The following ACVR1 variants were observed in gnomAD, a reference collection of about 807,000 sequenced individuals.
The protein encoded by ACVR1 is activin A receptor type 1, also known as activin receptor type-1.
A neutral mutation model predicts 57.1 loss-of-function variants in ACVR1; 38 were observed. The ratio of observed to expected loss-of-function variants is 0.67; its 90% CI spans 0.51 to 0.87. The LOEUF is 0.87. ACVR1 is among the 40% of genes least tolerant of loss of function. The pLI, the probability that ACVR1 is intolerant of heterozygous loss-of-function variation, is 0.00. For missense variants in ACVR1, 463 were observed against 638.2 expected (o/e 0.73, Z 2.96); for synonymous variants, 212 against 228.1 (o/e 0.93, Z 0.63).
intron 1 of ACVR1, among the ~76,000 whole-genome samples, chr2:157,868,308 C>A (rs1690008433): frequency 6.6e-6 from 1 of 151,664 alleles, no homozygotes; most frequent in African/African-American, 2.4e-5. Flanking sequence ...CATGGTGAAA[C>A]CCCATCTCTA....
At chr2:157,853,731 C>T (rs1689406796) in intron 1 of ACVR1, among the ~76,000 whole-genome samples, 1 of 152,186 alleles carries the variant, frequency 6.6e-6, no homozygotes, top group Non-Finnish European at 1.5e-5. Context: ...ACCTCTCCAG[C>T]CTTATGTCAC....
intron 1 of ACVR1, among the ~76,000 whole-genome samples, chr2:157,856,287 C>A (rs1689532130): frequency 6.6e-6 from 1 of 152,160 alleles, no homozygotes; most frequent in African/African-American, 2.4e-5. Context: ...AGTGCCTCCA[C>A]CTATTTCCAG....
chr2:157,794,685 T>C (rs758786275), intron 3 of ACVR1, among the ~76,000 whole-genome samples: 4 of 152,098 alleles, frequency 2.6e-5, no homozygotes, highest in Non-Finnish European at 5.9e-5. Context: ...CTTGTGAGGA[T>C]TATAGGAAAT....
In ACVR1 at chr2:157,808,482, T is replaced by A. The variant is rs938786419; in HGVS notation, c.-7-8982A>T. Among the ~76,000 whole-genome samples, 3 of 152,258 alleles carry A rather than the reference T, an allele frequency of 2.0e-5. No individual in the cohort carries two copies. The East Asian group carries it at 5.8e-4, about 29-fold the overall frequency. ...AAATTAAAAGATATCATTTGTAACT[T>A]GGATTCCAGTTTTCAAGGGTGTCAT... On this transcript the variant is annotated intron_variant, in intron 2 of 10. Coordinates refer to ENST00000434821, the MANE Select transcript of ACVR1 (RefSeq NM_001111067.4).
At chr2:157,741,345 G>C (rs553592334) in intron 9 of ACVR1, among the ~76,000 whole-genome samples, 2 of 152,136 alleles carry the variant, frequency 1.3e-5, no homozygotes, top group South Asian at 4.2e-4. Flanking sequence ...AGGGATAAAA[G>C]ATGAAAAAAC....
chr2:157,826,697 G>GAAGGAAAGGAAAGGA (rs74187986), intron 1 of ACVR1: 15 of 41,556 alleles, frequency 3.6e-4, no homozygotes, highest in African/African-American at 1.1e-3. Context: ...AAAAGAGAGA[G>GAAGGAAAGGAAAGGA]AAGGAAAGGA....
intron 9 of ACVR1, among the ~76,000 whole-genome samples, chr2:157,752,167 G>A (rs1685225515): frequency 6.6e-6 from 1 of 152,138 alleles, no homozygotes; most frequent in Admixed American, 6.5e-5. Context: ...CCTGGATACT[G>A]GTAGCCCTGT....
In ACVR1 at chr2:157,803,604, T is replaced by A. The variant is rs577207576; in HGVS notation, c.-7-4104A>T. On this transcript the variant is annotated intron_variant, in intron 2 of 10. Coordinates refer to ENST00000434821, the MANE Select transcript of ACVR1 (RefSeq NM_001111067.4). ...AATATACTAAAAAGAAAATTGCATT[T>A]TTAAAAGTAAAATTTCAACTCTCCT... 1.7e-4 allele frequency among the ~76,000 whole-genome samples: 26 copies of A among 152,320 alleles called. No homozygotes were observed. The South Asian group carries it at 2.5e-3, about 15-fold the overall frequency.
At chr2:157,794,828 G>A (rs576381509) in intron 3 of ACVR1, among the ~76,000 whole-genome samples, 1 of 151,434 alleles carries the variant, frequency 6.6e-6, no homozygotes, top group African/African-American at 2.4e-5. Flanking sequence ...TTATTGCCCA[G>A]AGCATTTAGG....
At chr2:157,812,970 G>T (rs1687802556) in intron 2 of ACVR1, among the ~76,000 whole-genome samples, 1 of 152,132 alleles carries the variant, frequency 6.6e-6, no homozygotes, top group Non-Finnish European at 1.5e-5. Flanking sequence ...CAACACTATT[G>T]TCAAATAAGA....
intron 1 of ACVR1, among the ~76,000 whole-genome samples, chr2:157,855,306 G>GTATATATATA (rs1459134497): frequency 1.9e-5 from 1 of 53,138 alleles, no homozygotes; most frequent in East Asian, 4.9e-4. Context: ...GTGTGTGTGT[G>GTATATATATA]TGTATATATA....
chr2:157,741,258 C>T (rs1684748489), intron 9 of ACVR1, among the ~76,000 whole-genome samples: 1 of 152,112 alleles, frequency 6.6e-6, no homozygotes, highest in South Asian at 2.1e-4. Flanking sequence ...TCTCATTCTA[C>T]TTTCACTTGT....
At chr2:157,855,308 G>GTGTGTGTGTGTATA (rs1307480066) in intron 1 of ACVR1, among the ~76,000 whole-genome samples, 3 of 51,672 alleles carry the variant, frequency 5.8e-5, no homozygotes, top group Non-Finnish European at 7.4e-5. Context: ...GTGTGTGTGT[G>GTGTGTGTGTGTATA]TATATATATA....
Position 157,776,830 on chromosome 2 carries a change from T to C in ACVR1, c.543+1301A>G, listed in dbSNP as rs1686307020. ...GCAGAACTATCAGACACTTTGAAGC[T>C]TGCTGTCTAGCAGAACAAGACTTAC... On this transcript the variant is annotated intron_variant, in intron 5 of 10. Coordinates refer to ENST00000434821, the MANE Select transcript of ACVR1 (RefSeq NM_001111067.4). 2.0e-5 allele frequency among the ~76,000 whole-genome samples: 3 copies of C among 152,350 alleles called. No homozygotes were observed. The South Asian group carries it at 6.2e-4, about 32-fold the overall frequency.
At chr2:157,850,586 T>C (rs188944660) in intron 1 of ACVR1, among the ~76,000 whole-genome samples, 55 of 152,304 alleles carry the variant, frequency 3.6e-4, no homozygotes, top group African/African-American at 1.3e-3. Flanking sequence ...AGGGAACATA[T>C]ACATCTAGAC....
chr2:157,814,636 C>T (rs1459877934), intron 2 of ACVR1, among the ~76,000 whole-genome samples: 3 of 152,082 alleles, frequency 2.0e-5, no homozygotes, highest in Non-Finnish European at 2.9e-5. Flanking sequence ...GAAATGGATC[C>T]CATAGATACA....
chr2:157,777,025 C>A (rs1480768377), intron 5 of ACVR1, among the ~76,000 whole-genome samples: 1 of 152,148 alleles, frequency 6.6e-6, no homozygotes, highest in African/African-American at 2.4e-5. Flanking sequence ...TCAAATTTTT[C>A]AGAGTAGGCA....
chr2:157,746,626 G>C, intron 9 of ACVR1, among the ~76,000 whole-genome samples: 1 of 152,314 alleles, frequency 6.6e-6, no homozygotes, highest in Non-Finnish European at 1.5e-5. Flanking sequence ...TGGGAGCCTC[G>C]GCATCACATT....
At chr2:157,845,668 C>A (rs192395278) in intron 1 of ACVR1, among the ~76,000 whole-genome samples, 76 of 151,440 alleles carry the variant, frequency 5.0e-4, no homozygotes, top group African/African-American at 1.7e-3. Flanking sequence ...CTGAAAGGGC[C>A]CCACAGGCAG....
Sources: gnomAD v4.1 joint callset for allele counts (sites outside exome capture counted in the v4.1 genomes callset) on GRCh38, gnomAD v4.1.1 for gene constraint, MANE v1.5 for transcripts, NCBI Gene and HGNC (gene_info 2026-07-23, HGNC 2026-07-21) for gene names.